Variants in WDR59 observed in about 807,000 individuals in gnomAD.
WDR59 encodes WD repeat domain 59.
Under a neutral mutation model 131.2 loss-of-function variants are expected in WDR59, and 100 were observed. The ratio of observed to expected loss-of-function variants is 0.76; its 90% CI spans 0.65 to 0.90. WDR59 has a LOEUF of 0.90. WDR59 is among the 40% of genes least tolerant of loss of function. WDR59 has a pLI of 0.00. For missense variants in WDR59, 1,203 were observed against 1,262.2 expected (o/e 0.95, Z 0.71); for synonymous variants, 601 against 466.2 (o/e 1.29, Z -3.72).
chr16:74,969,829 C>T (rs1330777915), intron 1 of WDR59, among the ~76,000 whole-genome samples: 4 of 152,060 alleles, frequency 2.6e-5, no homozygotes, highest in South Asian at 4.1e-4. Context: ...AATTGTCACA[C>T]AGGTTGGAGT....
intron 2 of WDR59, chr16:74,959,311 A>T: frequency 3.6e-6 from 1 of 275,420 alleles, no homozygotes; most frequent in African/African-American, 2.3e-5. Context: ...TCTGCAGACA[A>T]TGACATTTGG....
chr16:74,938,708 T>C (rs920371788), intron 7 of WDR59, among the ~76,000 whole-genome samples: 3 of 151,974 alleles, frequency 2.0e-5, no homozygotes, highest in Non-Finnish European at 4.4e-5. Context: ...GGCTAATTTT[T>C]TTGTATTTTT....
intron 13 of WDR59, chr16:74,915,668 T>C (rs909325978): frequency 1.7e-6 from 1 of 596,554 alleles, no homozygotes; most frequent in African/African-American, 1.9e-5. Context: ...AAGTGATCTG[T>C]CCACCTCAGA....
chr16:74,891,921 C>CA (rs899711560), intron 20 of WDR59, among the ~76,000 whole-genome samples: 15 of 151,518 alleles, frequency 9.9e-5, no homozygotes, highest in East Asian at 3.9e-4. Flanking sequence ...GAAACTCCAT[C>CA]AAAAAAAACA....
intron 8 of WDR59, among the ~76,000 whole-genome samples, chr16:74,937,129 G>C (rs2031864430): frequency 6.6e-6 from 1 of 152,196 alleles, no homozygotes; most frequent in African/African-American, 2.4e-5. Flanking sequence ...GGAACTACTG[G>C]AACAAAGATG....
intron 1 of WDR59, among the ~76,000 whole-genome samples, chr16:74,980,076 G>A (rs191501635): frequency 1.2e-4 from 18 of 151,560 alleles, no homozygotes; most frequent in Non-Finnish European, 2.5e-4. Flanking sequence ...AGCCAGGCTG[G>A]TCTCGACTCC....
intron 6 of WDR59, among the ~76,000 whole-genome samples, chr16:74,946,454 G>A (rs2032644472): frequency 6.6e-6 from 1 of 152,124 alleles, no homozygotes; most frequent in South Asian, 2.1e-4. Flanking sequence ...GGGTGTGGTG[G>A]CTCCCGCCTA....
At chr16:74,947,143 T>C (rs933295786) in intron 6 of WDR59, among the ~76,000 whole-genome samples, 1 of 152,182 alleles carries the variant, frequency 6.6e-6, no homozygotes, top group African/African-American at 2.4e-5. Flanking sequence ...AAGACTTGGT[T>C]CATCCATGTT....
chr16:74,981,654 A>AT (rs1430602702), intron 1 of WDR59, among the ~76,000 whole-genome samples: 1 of 10,564 alleles, frequency 9.5e-5, no homozygotes, highest in African/African-American at 1.6e-4. Context: ...ATATATATAT[A>AT]TATATATTTT....
chr16:74,953,472 CAA>C (rs59976539), intron 3 of WDR59, among the ~76,000 whole-genome samples: 36 of 97,224 alleles, frequency 3.7e-4, no homozygotes, highest in Admixed American at 4.1e-4. Context: ...GACTCCGTCT[CAA>C]AAAAAAAAAA....
rs1182301591 is a variant in WDR59 at position 74,978,320 on chromosome 16, CA to C, written c.54+6643del. Among the ~76,000 whole-genome samples the C allele has an allele frequency of 4.3e-3, 228 of 53,526 alleles. 1 individual carries two copies. The highest frequency in any genetic ancestry group is 5.4e-3 in the African/African-American group (70 of 12,896). 35.1% of individuals were successfully genotyped at this position (53,526 alleles called of 152,430 possible). ...CTGGTGACAGAGTGAGACTCTGTCT[CA>C]AAAAAAAAAAAAAAAAAAAAAAGAG... is the stretch of plus-strand genomic sequence containing the variant. On this transcript the variant is annotated intron_variant, in intron 1 of 25. Coordinates refer to ENST00000262144, the MANE Select transcript of WDR59 (RefSeq NM_030581.4).
chr16:74,886,191 GT>G, intron 24 of WDR59, 78 bp downstream of exon 24: 1 of 1,136,686 alleles, frequency 8.8e-7, no homozygotes, highest in Non-Finnish European at 1.2e-6. Flanking sequence ...AAAAAAAAAA[GT>G]AAGAGTTGTG....
At chr16:74,905,904 C>A (rs1259047970) in intron 17 of WDR59, among the ~76,000 whole-genome samples, 1 of 151,838 alleles carries the variant, frequency 6.6e-6, no homozygotes, top group Non-Finnish European at 1.5e-5. Flanking sequence ...ATACAGTTCC[C>A]CCAAAATGGG....
At chr16:74,891,041 G>A (rs372073231) in intron 20 of WDR59, among the ~76,000 whole-genome samples, 367 of 150,920 alleles carry the variant, frequency 2.4e-3, no homozygotes, top group African/African-American at 8.6e-3. Flanking sequence ...TTGAACCTGG[G>A]AGGCAGAGGT....
Position 74,936,423 on chromosome 16 carries a change from G to T in WDR59, c.651+1727C>A, listed in dbSNP as rs1039871285. Among the ~76,000 whole-genome samples, 3 of 152,142 alleles carry T rather than the reference G, an allele frequency of 2.0e-5. No individual in the cohort carries two copies. In the East Asian group the frequency reaches 5.8e-4, roughly 29 times the overall value. On this transcript the variant is annotated intron_variant, in intron 8 of 25. Coordinates refer to ENST00000262144, the MANE Select transcript of WDR59 (RefSeq NM_030581.4). ...CCCCAGACTCACAGGTAGGAAAGAT[G>T]ACACTGAGTATCAACAAACTTGGGC...
intron 20 of WDR59, among the ~76,000 whole-genome samples, chr16:74,891,610 A>G (rs759223002): frequency 3.1e-4 from 47 of 152,224 alleles, no homozygotes; most frequent in Non-Finnish European, 5.4e-4. Flanking sequence ...AACAGTAAAC[A>G]TATCTTCAAC....
In WDR59 at chr16:74,916,205, G is replaced by A. The variant is rs1597709347; in HGVS notation, c.1021C>T (p.Leu341Phe). 6.2e-7 allele frequency: 1 copy of A among 1,613,984 alleles called. No homozygotes were observed. The highest frequency in any genetic ancestry group is 8.5e-7 in the Non-Finnish European group (1 of 1,179,922). Residue 341 changes from leucine (L) to phenylalanine (F), a missense_variant, in exon 12 of 26, where the codon CTT (leucine) becomes TTT (phenylalanine). Coordinates refer to ENST00000262144, the MANE Select transcript of WDR59 (RefSeq NM_030581.4). ...AGGGTCTTCTCAGGTTCCGGCAGAA[G>A]GGAAATACTCTCAATGAACTCATCA... ...GVDEFIESIS[L>F]LPEPEKTLHT...
chr16:74,891,806 C>T (rs548707501), intron 20 of WDR59, among the ~76,000 whole-genome samples: 4 of 152,326 alleles, frequency 2.6e-5, no homozygotes, highest in South Asian at 4.1e-4. Flanking sequence ...CATCTATAAT[C>T]CCCGCTACTC....
intron 25 of WDR59, among the ~76,000 whole-genome samples, chr16:74,883,213 T>C (rs1187441067): frequency 6.6e-6 from 1 of 151,796 alleles, no homozygotes; most frequent in Admixed American, 6.6e-5. Flanking sequence ...TTAGTAGAGA[T>C]GGGGTTTCAC....
Sources: allele counts gnomAD v4.1 joint callset (sites outside exome capture counted in the v4.1 genomes callset), GRCh38; gene constraint gnomAD v4.1.1; transcripts MANE v1.5; gene names NCBI Gene and HGNC (gene_info 2026-07-23, HGNC 2026-07-21).